The following SYT10 variants were observed in gnomAD, a reference collection of about 807,000 sequenced individuals.
The protein encoded by SYT10 is synaptotagmin-10.
SYT10 carries 31 observed loss-of-function variants against 51.1 expected under a neutral mutation model. That is an observed-to-expected ratio of 0.61 (90% CI 0.46 to 0.82). SYT10 has a LOEUF of 0.82. SYT10 is among the 40% of genes least tolerant of loss of function. The pLI is 0.00. For synonymous variants in SYT10, 233 were observed against 225.9 expected, an observed-to-expected ratio of 1.03 and a Z score of -0.28; for missense variants, 603 against 634.0, an observed-to-expected ratio of 0.95 and a Z score of 0.53.
In SYT10 at chr12:33,424,190, C is replaced by A. The variant is rs577281703; in HGVS notation, c.509+1948G>T. ...TGATTTGTTCAATTTCACATAATTA[C>A]TGAGAAATTCATAGCTAGCAAAAAG... is the stretch of plus-strand genomic sequence containing the variant. On this transcript the variant is annotated intron_variant, in intron 2 of 6. Transcript: ENST00000228567. Among the ~76,000 whole-genome samples the A allele has an allele frequency of 5.9e-5, 9 of 152,232 alleles. No homozygotes were observed. The South Asian group carries it at 1.9e-3, about 32-fold the overall frequency.
intron 2 of SYT10, among the ~76,000 whole-genome samples, chr12:33,418,265 G>A (rs550871328): frequency 2.6e-5 from 4 of 151,994 alleles, no homozygotes; most frequent in African/African-American, 9.7e-5. Context: ...TCCAGGTTCC[G>A]CCCTCCCAGC....
At position 33,374,359 on chromosome 12, in the gene SYT10, T is replaced by G. The variant is rs1376523479; in HGVS notation, c.*2471A>C. On this transcript the variant is annotated 3_prime_UTR_variant, in exon 7 of 7. Coordinates refer to ENST00000228567, the MANE Select transcript of SYT10 (RefSeq NM_198992.4). ...TGTCAGTACTGTCATTAAAATGTGA[T>G]GTCCCACACAAATAAGGGGATTTGT... is the stretch of plus-strand genomic sequence containing the variant. The G allele has an allele frequency of 6.6e-6, 1 of 151,820 alleles. No homozygotes were observed. The highest frequency in any genetic ancestry group is 1.5e-5 in the Non-Finnish European group (1 of 67,884). The allele number at this position is 151,820 out of a possible 1,614,324, so 9.4% of individuals were successfully genotyped here.
At chr12:33,382,921 C>G (rs73310194) in intron 4 of SYT10, among the ~76,000 whole-genome samples, 5 of 152,042 alleles carry the variant, frequency 3.3e-5, no homozygotes, top group Non-Finnish European at 1.5e-5. Flanking sequence ...ATTGCATGCA[C>G]AACAGTAAAT....
chr12:33,414,020 C>G (rs893080357), intron 2 of SYT10, among the ~76,000 whole-genome samples: 1 of 151,914 alleles, frequency 6.6e-6, no homozygotes, highest in African/African-American at 2.4e-5. Flanking sequence ...CAAAAAAAGG[C>G]AGGGGTTGCA....
chr12:33,388,849 A>C (rs1234363212), intron 3 of SYT10, among the ~76,000 whole-genome samples: 1 of 152,246 alleles, frequency 6.6e-6, no homozygotes, highest in African/African-American at 2.4e-5. Context: ...TCCAAAATAA[A>C]AATAAAAGTC....
At chr12:33,424,977 T>A (rs1866538348) in intron 2 of SYT10, among the ~76,000 whole-genome samples, 1 of 152,196 alleles carries the variant, frequency 6.6e-6, no homozygotes, top group East Asian at 1.9e-4. Flanking sequence ...AAGTTCCTTA[T>A]CTCAAAGGTA....
chr12:33,433,913 G>A (rs1866617082), intron 1 of SYT10, among the ~76,000 whole-genome samples: 1 of 152,110 alleles, frequency 6.6e-6, no homozygotes, highest in African/African-American at 2.4e-5. Flanking sequence ...AAGAAGCCCT[G>A]GTTTCTTAGC....
At chr12:33,395,002 G>A (rs151175180) in intron 3 of SYT10, among the ~76,000 whole-genome samples, 7,416 of 152,232 alleles carry the variant, frequency 0.049, 318 homozygotes, top group African/African-American at 0.12. Context: ...GCAGGAGAAC[G>A]GCGTGAAGCC....
intron 3 of SYT10, among the ~76,000 whole-genome samples, chr12:33,397,657 T>C (rs1462334502): frequency 6.6e-6 from 1 of 151,264 alleles, no homozygotes; most frequent in African/African-American, 2.4e-5. Flanking sequence ...GCTTCTGAGG[T>C]TTTATAAGAT....
At chr12:33,412,556 G>A (rs1866415898) in intron 2 of SYT10, among the ~76,000 whole-genome samples, 1 of 152,020 alleles carries the variant, frequency 6.6e-6, no homozygotes, top group South Asian at 2.1e-4. Context: ...AAAAGTAATT[G>A]TATTTTTTGC....
chr12:33,423,317 T>TGC (rs538345331), intron 2 of SYT10, among the ~76,000 whole-genome samples: 311 of 151,982 alleles, frequency 2.0e-3, no homozygotes, highest in African/African-American at 7.3e-3. Context: ...TGTGTGTGTG[T>TGC]GTGTGCATCT....
chr12:33,420,376 A>G (rs1429631021), intron 2 of SYT10, among the ~76,000 whole-genome samples: 1 of 152,150 alleles, frequency 6.6e-6, no homozygotes, highest in African/African-American at 2.4e-5. Flanking sequence ...CAAACTTCCC[A>G]AGCATTTATT....
rs201438420 is a variant in SYT10 at position 33,436,300 on chromosome 12, T to C, written c.151+3072A>G. ...CTAAGCATTCTAATATTAAATCATATTGTGCATTGAGATTAATTTAGTGGG... is the reference window on the plus strand; with the variant it reads ...CTAAGCATTCTAATATTAAATCATACTGTGCATTGAGATTAATTTAGTGGG... On this transcript the variant is annotated intron_variant, in intron 1 of 6. Transcript: ENST00000228567. Among the ~76,000 whole-genome samples, 11 of 152,300 alleles carry C rather than the reference T, an allele frequency of 7.2e-5. No individual in the cohort carries two copies. In the East Asian group the frequency reaches 7.7e-4, roughly 11 times the overall value.
chr12:33,389,729 T>C (rs977788983), intron 3 of SYT10, among the ~76,000 whole-genome samples: 27 of 152,206 alleles, frequency 1.8e-4, no homozygotes, highest in African/African-American at 6.5e-4. Context: ...GTCTTCCACA[T>C]TTCCTTGGTG....
rs777113468 is a variant in SYT10, at chr12:33,439,377, C to G, written c.146G>C (p.Ser49Thr). 2 of 1,613,032 alleles carry G rather than the reference C, an allele frequency of 1.2e-6. No homozygotes were observed. The highest frequency in any genetic ancestry group is 2.2e-5 in the South Asian group (2 of 90,976). Residue 49 changes from serine (S) to threonine (T), a missense_variant, in exon 1 of 7, where the codon AGC (serine) becomes ACC (threonine). Ser to Thr is a moderately conservative substitution (Grantham distance 58). Coordinates refer to ENST00000228567, the MANE Select transcript of SYT10 (RefSeq NM_198992.4). ...PRDRGSQGGS[S>T]TDISVSLLAV... ...AGCGGAGCCCTCCCGGTTACCTGTG[C>G]TGCTTCCGCCCTGGCTGCCCCTGTC...
intron 1 of SYT10, among the ~76,000 whole-genome samples, chr12:33,430,456 C>T (rs10844605): frequency 0.12 from 18,137 of 152,090 alleles, 1,190 homozygotes; most frequent in Admixed American, 0.17. Context: ...CTGCTAGGTC[C>T]AATTACCTAC....
intron 2 of SYT10, among the ~76,000 whole-genome samples, chr12:33,413,727 A>T (rs1866428443): frequency 6.6e-6 from 1 of 152,194 alleles, no homozygotes. Context: ...CACTGCAAAA[A>T]CATGCCAAAT....
chr12:33,395,493 A>G (rs1434129396), intron 3 of SYT10, among the ~76,000 whole-genome samples: 6 of 152,240 alleles, frequency 3.9e-5, no homozygotes, highest in Non-Finnish European at 8.8e-5. Context: ...TTAGGGAGCT[A>G]AATAGCTTCT....
At chr12:33,395,223 T>G (rs569850222) in intron 3 of SYT10, among the ~76,000 whole-genome samples, 1 of 152,360 alleles carries the variant, frequency 6.6e-6, no homozygotes, top group East Asian at 1.9e-4. Flanking sequence ...TTGAAAAAGT[T>G]TTTTAGAAAT....
Sources: gnomAD v4.1 joint callset for allele counts (sites outside exome capture counted in the v4.1 genomes callset) on GRCh38, gnomAD v4.1.1 for gene constraint, MANE v1.5 for transcripts, NCBI Gene and HGNC (gene_info 2026-07-23, HGNC 2026-07-21) for gene names.